Variants in LDLRAD4 observed in about 807,000 individuals in gnomAD.
The protein encoded by LDLRAD4 is low-density lipoprotein receptor class A domain-containing protein 4.
Under a neutral mutation model 17.0 loss-of-function variants are expected in LDLRAD4, and 5 were observed. That is an observed-to-expected ratio of 0.29 (90% CI 0.15 to 0.62). The LOEUF (loss-of-function observed/expected upper bound fraction) is 0.62, where lower values mean the gene tolerates loss of function less well. LDLRAD4 is among the 20% of genes least tolerant of loss of function. The pLI, the probability that LDLRAD4 is intolerant of heterozygous loss-of-function variation, is 0.84. For missense variants in LDLRAD4, 340 were observed against 424.7 expected (o/e 0.80, Z 1.75); for synonymous variants, 168 against 171.8 (o/e 0.98, Z 0.17).
In LDLRAD4 at chr18:13,265,348, G is replaced by A. The variant is rs563794473; in HGVS notation, c.-466-12757G>A. On this transcript the variant is annotated intron_variant, in intron 1 of 5. Coordinates refer to the LDLRAD4 transcript ENST00000399848. Reference sequence around the variant, plus strand: ...GAAGGTCAACGCCAAACTTACCTGTGTGGCCTGGACGGGGTCTCTGTCTCC... The same window carrying A: ...GAAGGTCAACGCCAAACTTACCTGTATGGCCTGGACGGGGTCTCTGTCTCC... Among the ~76,000 whole-genome samples the A allele has an allele frequency of 3.9e-5, 6 of 152,266 alleles. No individual in the cohort carries two copies. The South Asian group carries it at 1.0e-3, about 26-fold the overall frequency.
At chr18:13,229,681 G>A (rs556995944) in intron 1 of LDLRAD4, among the ~76,000 whole-genome samples, 2 of 152,198 alleles carry the variant, frequency 1.3e-5, no homozygotes, top group Non-Finnish European at 2.9e-5. Flanking sequence ...CCCAGAGGTG[G>A]TGGCTCTGAC....
chr18:13,638,039 T>C (rs1317832097), intron 4 of LDLRAD4, among the ~76,000 whole-genome samples: 1 of 152,166 alleles, frequency 6.6e-6, no homozygotes, highest in Non-Finnish European at 1.5e-5. Context: ...TTGAGCCTCA[T>C]GACAACCTCT....
intron 3 of LDLRAD4, among the ~76,000 whole-genome samples, chr18:13,561,216 A>G (rs1601394126): frequency 1.3e-5 from 2 of 152,334 alleles, no homozygotes; most frequent in East Asian, 3.9e-4. Flanking sequence ...CGTGACATGA[A>G]ATGAGTGGGT....
At chr18:13,508,824 A>G (rs1352172170) in intron 3 of LDLRAD4, among the ~76,000 whole-genome samples, 2 of 152,240 alleles carry the variant, frequency 1.3e-5, no homozygotes, top group Non-Finnish European at 2.9e-5. Context: ...TCTGTAGCCC[A>G]TGGATTGAGG....
At chr18:13,303,738 A>T (rs913777986) in intron 1 of LDLRAD4, among the ~76,000 whole-genome samples, 1 of 152,214 alleles carries the variant, frequency 6.6e-6, no homozygotes, top group African/African-American at 2.4e-5. Context: ...AGAAAGGAAG[A>T]TGAAAAACCC....
chr18:13,421,964 A>T (rs2089503781), intron 2 of LDLRAD4, among the ~76,000 whole-genome samples: 1 of 152,196 alleles, frequency 6.6e-6, no homozygotes, highest in Non-Finnish European at 1.5e-5. Context: ...CTAGTCTCCT[A>T]CTGAAGGGCT....
At chr18:13,545,382 A>T (rs1012276745) in intron 3 of LDLRAD4, among the ~76,000 whole-genome samples, 7 of 152,212 alleles carry the variant, frequency 4.6e-5, no homozygotes, top group African/African-American at 1.7e-4. Flanking sequence ...TCCTTTTGGC[A>T]ACACCAAAAT....
At chr18:13,634,633 T>C (rs2041934692) in intron 4 of LDLRAD4, among the ~76,000 whole-genome samples, 1 of 152,224 alleles carries the variant, frequency 6.6e-6, no homozygotes, top group Non-Finnish European at 1.5e-5. Context: ...TTTAAGATGT[T>C]AGTACTACTA....
intron 3 of LDLRAD4, among the ~76,000 whole-genome samples, chr18:13,504,996 A>C (rs2093668274): frequency 6.6e-6 from 1 of 152,134 alleles, no homozygotes; most frequent in Non-Finnish European, 1.5e-5. Flanking sequence ...CACTGCCATG[A>C]GGATGGGGAC....
chr18:13,564,934 A>T (rs2094582010), intron 3 of LDLRAD4: 1 of 152,328 alleles, frequency 6.6e-6, no homozygotes, highest in African/African-American at 2.4e-5. Context: ...AACAGACATT[A>T]AAAGTGAGGC....
chr18:13,506,636 A>G (rs944688308), intron 3 of LDLRAD4, among the ~76,000 whole-genome samples: 4 of 152,144 alleles, frequency 2.6e-5, no homozygotes, highest in Admixed American at 2.0e-4. Context: ...TGCACTAAAC[A>G]ACAGATTTTC....
In LDLRAD4 at chr18:13,643,354, G is replaced by T. The variant is rs549249084; in HGVS notation, c.337-5G>T. ...CCCCACTCTCCTCCCCTTCCCCTCC[G>T]CCAGGAAGGGTGCCTGTGGCCTTCA... On this transcript the variant is annotated splice_polypyrimidine_tract_variant and splice_region_variant and intron_variant, in intron 4 of 5. Transcript: ENST00000359446. The T allele has an allele frequency of 1.4e-6, 2 of 1,461,558 alleles. No individual in the cohort carries two copies. The highest frequency in any genetic ancestry group is 9.1e-7 in the Non-Finnish European group (1 of 1,100,990). The allele number at this position is 1,461,558 out of a possible 1,614,324, so 90.5% of individuals were successfully genotyped here. A position where few individuals can be genotyped will look rare whatever the true frequency, so the allele number is the denominator to read the frequency against.
chr18:13,304,303 G>A (rs935462005), intron 1 of LDLRAD4, among the ~76,000 whole-genome samples: 3 of 152,228 alleles, frequency 2.0e-5, no homozygotes, highest in East Asian at 1.9e-4. Flanking sequence ...TGTGGGCAGC[G>A]TGGGGAAGGG....
intron 3 of LDLRAD4, among the ~76,000 whole-genome samples, chr18:13,546,127 G>A (rs185618004): frequency 1.2e-4 from 18 of 152,236 alleles, no homozygotes; most frequent in African/African-American, 4.3e-4. Flanking sequence ...GGTGGTAAAA[G>A]TCAACAACAG....
At chr18:13,434,716 G>A (rs539151514) in intron 2 of LDLRAD4, among the ~76,000 whole-genome samples, 3 of 152,312 alleles carry the variant, frequency 2.0e-5, no homozygotes, top group East Asian at 1.9e-4. Flanking sequence ...GAGCTCTAGC[G>A]ACTGGGCCCT....
chr18:13,427,442 C>T (rs926564492), intron 2 of LDLRAD4: 1 of 152,574 alleles, frequency 6.6e-6, no homozygotes, highest in African/African-American at 2.4e-5. Flanking sequence ...TTGACTTATC[C>T]CTGGCTCTGA....
At chr18:13,509,100 C>T (rs2093738720) in intron 3 of LDLRAD4, among the ~76,000 whole-genome samples, 1 of 152,154 alleles carries the variant, frequency 6.6e-6, no homozygotes, top group Non-Finnish European at 1.5e-5. Flanking sequence ...CCCAGGAGTT[C>T]AAGACTAGCC....
At chr18:13,578,364 A>G (rs538254104) in intron 3 of LDLRAD4, among the ~76,000 whole-genome samples, 160 of 152,244 alleles carry the variant, frequency 1.1e-3, no homozygotes, top group Middle Eastern at 3.4e-3. Flanking sequence ...CTAAAACTAG[A>G]TTGACTAATC....
chr18:13,491,694 A>G (rs2093361414), intron 3 of LDLRAD4: 1 of 152,194 alleles, frequency 6.6e-6, no homozygotes, highest in South Asian at 2.1e-4. Flanking sequence ...GCAGTCATAA[A>G]GTTAATGTCA....
Sources: gnomAD v4.1 joint callset for allele counts (sites outside exome capture counted in the v4.1 genomes callset) on GRCh38, gnomAD v4.1.1 for gene constraint, MANE v1.5 for transcripts, NCBI Gene and HGNC (gene_info 2026-07-23, HGNC 2026-07-21) for gene names.